Variants in SLC35F3 observed in about 807,000 individuals in gnomAD.
The protein encoded by SLC35F3 is putative thiamine transporter SLC35F3.
A neutral mutation model predicts 49.9 loss-of-function variants in SLC35F3; 25 were observed. The observed-to-expected ratio is 0.50, with a 90% CI of 0.37 to 0.70. The LOEUF (loss-of-function observed/expected upper bound fraction) is 0.70. Among genes scored for constraint, SLC35F3 ranks in the 30% least tolerant of loss-of-function variants. The pLI, the probability that SLC35F3 is intolerant of heterozygous loss-of-function variation, is 0.00. For missense variants in SLC35F3, 525 were observed against 639.8 expected (o/e 0.82, Z 1.94); for synonymous variants, 275 against 265.4 (o/e 1.04, Z -0.35).
At chr1:234,132,036 T>C (rs907114318) in intron 2 of SLC35F3, among the ~76,000 whole-genome samples, 1 of 152,132 alleles carries the variant, frequency 6.6e-6, no homozygotes, top group Non-Finnish European at 1.5e-5. Flanking sequence ...ATCACAAATA[T>C]TGCCTAACAC....
intron 2 of SLC35F3, among the ~76,000 whole-genome samples, chr1:233,922,059 T>G (rs1033063833): frequency 3.9e-5 from 6 of 152,246 alleles, no homozygotes; most frequent in Non-Finnish European, 8.8e-5. Context: ...ACATTTGGCT[T>G]GGTTCCAAGT....
chr1:234,280,317 C>T (rs1201111693), intron 3 of SLC35F3, among the ~76,000 whole-genome samples: 1 of 152,250 alleles, frequency 6.6e-6, no homozygotes, highest in Non-Finnish European at 1.5e-5. Context: ...TGCTGACCAT[C>T]TGCTCTCAGA....
At chr1:234,058,191 G>T (rs1442928405) in intron 2 of SLC35F3, among the ~76,000 whole-genome samples, 1 of 148,436 alleles carries the variant, frequency 6.7e-6, no homozygotes, top group African/African-American at 2.5e-5. Context: ...TTTGCTTTGG[G>T]TTTTTTTTTC....
At chr1:234,068,016 A>G (rs1664648162) in intron 2 of SLC35F3, among the ~76,000 whole-genome samples, 1 of 152,176 alleles carries the variant, frequency 6.6e-6, no homozygotes, top group South Asian at 2.1e-4. Context: ...GTTTCAGGTA[A>G]CCGAGAGCCT....
At chr1:234,308,967 T>C in intron 3 of SLC35F3, 134 bp from the exon 4 acceptor site, 3 of 650,744 alleles carry the variant, frequency 4.6e-6, no homozygotes, top group South Asian at 2.1e-5. Context: ...AGAAAGATGT[T>C]TATTAAAAAT....
chr1:234,220,589 G>A (rs1050668058), intron 2 of SLC35F3, among the ~76,000 whole-genome samples: 6 of 152,160 alleles, frequency 3.9e-5, no homozygotes, highest in African/African-American at 1.4e-4. Context: ...ATTGCAGGGG[G>A]ATCAGGTAAC....
chr1:234,023,112 A>G (rs1320611535), intron 2 of SLC35F3, among the ~76,000 whole-genome samples: 1 of 152,146 alleles, frequency 6.6e-6, no homozygotes, highest in Non-Finnish European at 1.5e-5. Context: ...TGGGAGAGGG[A>G]TGGAGGAGGA....
intron 7 of SLC35F3, among the ~76,000 whole-genome samples, chr1:234,322,331 C>T (rs1657641066): frequency 6.6e-6 from 1 of 152,122 alleles, no homozygotes; most frequent in African/African-American, 2.4e-5. Flanking sequence ...TGACCAGAAG[C>T]CTTACTGATG....
At chr1:234,310,749 C>G (rs1276612414) in intron 4 of SLC35F3, among the ~76,000 whole-genome samples, 1 of 152,164 alleles carries the variant, frequency 6.6e-6, no homozygotes. Context: ...GACCCTGTTC[C>G]TGGGAAGAGA....
intron 2 of SLC35F3, among the ~76,000 whole-genome samples, chr1:234,128,625 G>A (rs185191817): frequency 2.0e-5 from 3 of 152,332 alleles, no homozygotes; most frequent in Admixed American, 2.0e-4. Context: ...ATGATAGTTT[G>A]AGATCAAGTA....
intron 2 of SLC35F3, among the ~76,000 whole-genome samples, chr1:233,912,575 A>G (rs1661899073): frequency 6.6e-6 from 1 of 152,256 alleles, no homozygotes; most frequent in Non-Finnish European, 1.5e-5. Flanking sequence ...GAAATACAGT[A>G]GTCCCGCTTT....
intron 2 of SLC35F3, among the ~76,000 whole-genome samples, chr1:234,129,262 A>G (rs1665697576): frequency 6.6e-6 from 1 of 152,218 alleles, no homozygotes; most frequent in Non-Finnish European, 1.5e-5. Context: ...TCATCAGGGA[A>G]ATACAAATTG....
chr1:234,141,325 G>A (rs1173442671), intron 2 of SLC35F3, among the ~76,000 whole-genome samples: 1 of 152,062 alleles, frequency 6.6e-6, no homozygotes, highest in East Asian at 1.9e-4. Flanking sequence ...GGAGACCCGG[G>A]CCCTAGACCC....
chr1:233,954,789 A>G (rs1186409511), intron 2 of SLC35F3, among the ~76,000 whole-genome samples: 1 of 152,170 alleles, frequency 6.6e-6, no homozygotes, highest in East Asian at 1.9e-4. Flanking sequence ...AGATAGAAGA[A>G]GGCTGGGTCT....
intron 2 of SLC35F3, among the ~76,000 whole-genome samples, chr1:234,072,176 T>C (rs1664721104): frequency 6.6e-6 from 1 of 152,270 alleles, no homozygotes; most frequent in South Asian, 2.1e-4. Flanking sequence ...CTAACAGTGC[T>C]GGTTTATTTT....
At chr1:234,089,804 G>T (rs951880980) in intron 2 of SLC35F3, among the ~76,000 whole-genome samples, 2 of 152,116 alleles carry the variant, frequency 1.3e-5, no homozygotes, top group African/African-American at 4.8e-5. Flanking sequence ...TGTCACCCAT[G>T]GGGCAGAAAG....
At chr1:234,141,792 ACTC>A (rs1460797394) in intron 2 of SLC35F3, among the ~76,000 whole-genome samples, 3 of 151,680 alleles carry the variant, frequency 2.0e-5, no homozygotes, top group Non-Finnish European at 4.4e-5. Flanking sequence ...TGCCTAAAAT[ACTC>A]CTCTGGCTCC....
chr1:234,151,059 A>G (rs1311554021), intron 2 of SLC35F3, among the ~76,000 whole-genome samples: 1 of 152,202 alleles, frequency 6.6e-6, no homozygotes, highest in South Asian at 2.1e-4. Flanking sequence ...TTCGAGCCCT[A>G]TGGACACTAG....
chr1:234,017,878 T>C (rs1393355940), intron 2 of SLC35F3, among the ~76,000 whole-genome samples: 1 of 152,002 alleles, frequency 6.6e-6, no homozygotes, highest in African/African-American at 2.4e-5. Context: ...CTACAACTCA[T>C]GTCTCAAGGA....
Sources: allele counts gnomAD v4.1 joint callset (sites outside exome capture counted in the v4.1 genomes callset), GRCh38; gene constraint gnomAD v4.1.1; transcripts MANE v1.5; gene names NCBI Gene and HGNC (gene_info 2026-07-23, HGNC 2026-07-21).